PDXDC1: variants seen among roughly 807,000 people sequenced by gnomAD.
The protein encoded by PDXDC1 is pyridoxal-dependent decarboxylase domain-containing protein 1.
Under a neutral mutation model 100.1 loss-of-function variants are expected in PDXDC1, and 42 were observed. That is an observed-to-expected ratio of 0.42 (90% CI 0.33 to 0.54). PDXDC1 has a LOEUF of 0.54. Ranked by LOEUF, PDXDC1 falls within the 20% of genes least tolerant of loss-of-function variation. The pLI, the probability that PDXDC1 is intolerant of heterozygous loss-of-function variation, is 0.10. For synonymous variants in PDXDC1, 260 were observed against 371.7 expected (o/e 0.70, Z 3.46); for missense variants, 636 against 979.2 (o/e 0.65, Z 4.68).
At chr16:14,976,489 T>C (rs1370821580) in intron 1 of PDXDC1, among the ~76,000 whole-genome samples, 1 of 152,280 alleles carries the variant, frequency 6.6e-6, no homozygotes, top group Admixed American at 6.5e-5. Flanking sequence ...AAAAAGATAA[T>C]ATGGTTTTCT....
At chr16:15,131,043 G>C in intron 16 of PDXDC1, 1 of 1,543,112 alleles carries the variant, frequency 6.5e-7, no homozygotes, top group Non-Finnish European at 8.8e-7. Flanking sequence ...TTCCCCCCAA[G>C]AACAAGGCCA....
At position 15,101,239 on chromosome 16, in the gene PDXDC1, C is replaced by T. The variant is rs529554713; in HGVS notation, c.1400-37640C>T. ...TATTTTCCTGTAAATATGAAATATA[C>T]TAGGATACTTGATGTGGTTACACTC... On this transcript the variant is annotated intron_variant, in intron 16 of 16. Transcript: ENST00000535621. Among the ~76,000 whole-genome samples, 5 of 152,252 alleles carry T rather than the reference C, an allele frequency of 3.3e-5. No individual in the cohort carries two copies. The South Asian group carries it at 8.3e-4, about 25-fold the overall frequency.
At chr16:15,048,230 G>A (rs1567767647) in intron 16 of PDXDC1, 1 of 632,302 alleles carries the variant, frequency 1.6e-6, no homozygotes, top group East Asian at 2.7e-5. Context: ...TTAGTGGACA[G>A]AGAGGCTCAA....
In PDXDC1 at chr16:15,007,157, C is replaced by CTTT. The variant is rs56256230; in HGVS notation, c.579+603_579+605dup. ...AGAATTGCTGGATCAAAGAGCATGA[C>CTTT]TTTTTTTTTTTTTTTTTTTTTTTTT... On this transcript the variant is annotated intron_variant, in intron 6 of 22. Transcript: ENST00000396410. Among the ~76,000 whole-genome samples, 154 of 73,966 alleles carry CTTT rather than the reference C, an allele frequency of 2.1e-3. 11 individuals are homozygous for CTTT. The highest frequency in any genetic ancestry group is 3.7e-3 in the East Asian group (5 of 1,336). The allele number at this position is 73,966 out of a possible 152,430, so 48.5% of individuals were successfully genotyped here. A position where few individuals can be genotyped will look rare whatever the true frequency, so the allele number is the denominator to read the frequency against.
chr16:15,081,990 T>C (rs918887175), intron 16 of PDXDC1, among the ~76,000 whole-genome samples: 2 of 152,220 alleles, frequency 1.3e-5, no homozygotes, highest in African/African-American at 4.8e-5. Flanking sequence ...TGAACTCATT[T>C]ATTATCTCTA....
chr16:15,111,943 C>A (rs2047084946), intron 16 of PDXDC1, among the ~76,000 whole-genome samples: 1 of 148,056 alleles, frequency 6.8e-6, no homozygotes, highest in African/African-American at 2.4e-5. Context: ...TAACATTTCA[C>A]CCCCTGCTCC....
At chr16:15,110,160 A>AAG (rs914473387) in intron 16 of PDXDC1, among the ~76,000 whole-genome samples, 8 of 149,950 alleles carry the variant, frequency 5.3e-5, no homozygotes, top group African/African-American at 9.7e-5. Flanking sequence ...AAAAAAAAAA[A>AAG]AGAGAGAGAG....
the PDXDC1 span, among the ~76,000 whole-genome samples, chr16:15,149,245 C>T: frequency 6.6e-6 from 1 of 152,230 alleles, no homozygotes; most frequent in Non-Finnish European, 1.5e-5. Flanking sequence ...ATGTCACCTG[C>T]ACTGGGGGTC....
intron 1 of PDXDC1, among the ~76,000 whole-genome samples, chr16:14,978,219 G>A (rs1967132917): frequency 6.6e-6 from 1 of 152,298 alleles, no homozygotes; most frequent in African/African-American, 2.4e-5. Context: ...AGGAGTAGGG[G>A]CTTTGCCCCT....
Position 15,036,117 on chromosome 16 carries a change from A to C in PDXDC1, c.2209A>C (p.Ser737Arg). 6.2e-7 allele frequency: 1 copy of C among 1,614,208 alleles called. No homozygotes were observed. The highest frequency in any genetic ancestry group is 1.1e-5 in the South Asian group (1 of 91,092). Residue 737 changes from serine (S) to arginine (R), a missense_variant, in exon 23 of 23, where the codon AGT (serine) becomes CGT (arginine). Physicochemically the swap from Ser to Arg is moderately radical, Grantham distance 110 (BLOSUM62 -1). Transcript: ENST00000396410. ...EDLEKVERLS[S>R]GPEQITLEAS... Reference sequence around the variant, plus strand: ...CTTAGAAAAGGTGGAGCGCCTATCCAGTGGGCCGGAGCAGATCACCCTCGA... The same window carrying C: ...CTTAGAAAAGGTGGAGCGCCTATCCCGTGGGCCGGAGCAGATCACCCTCGA...
intron 16 of PDXDC1, among the ~76,000 whole-genome samples, chr16:15,104,973 G>T (rs1375300740): frequency 1.3e-5 from 2 of 151,642 alleles, no homozygotes; most frequent in Non-Finnish European, 2.9e-5. Flanking sequence ...ACACACTGTT[G>T]TCTCCACATG....
rs541779142 is a variant in PDXDC1, at chr16:15,089,049, T to A, written c.1400-49830T>A. ...CGGGTGGAGTGGCTCACGTCTATAATCCCAGCACTTTGGGAGGCTGAGGCG... is the reference window on the plus strand; with the variant it reads ...CGGGTGGAGTGGCTCACGTCTATAAACCCAGCACTTTGGGAGGCTGAGGCG... On this transcript the variant is annotated intron_variant, in intron 16 of 16. Transcript: ENST00000535621. Among the ~76,000 whole-genome samples the A allele has an allele frequency of 1.7e-3, 254 of 152,228 alleles. 1 individual carries two copies. The highest frequency in any genetic ancestry group is 5.9e-3 in the African/African-American group (247 of 41,528).
At chr16:15,041,778 G>A (rs1165421864), downstream of PDXDC1, 5 of 841,804 alleles carry the variant, frequency 5.9e-6, no homozygotes, top group Admixed American at 8.7e-5. Context: ...AGCCAACTGA[G>A]TGTGCTCCGC....
chr16:15,085,689 A>C (rs2045889716), intron 16 of PDXDC1: 1 of 1,613,362 alleles, frequency 6.2e-7, no homozygotes, highest in Non-Finnish European at 8.5e-7. Context: ...TTCCTTAATG[A>C]TCACTCGGGC....
chr16:15,140,743 C>T (rs922188921), downstream of PDXDC1, among the ~76,000 whole-genome samples: 2 of 152,112 alleles, frequency 1.3e-5, no homozygotes, highest in Admixed American at 6.5e-5. Context: ...CACCTCCCCT[C>T]GGCCTCAAGC....
intron 16 of PDXDC1, among the ~76,000 whole-genome samples, chr16:15,056,974 C>T (rs1309941386): frequency 6.6e-6 from 1 of 152,046 alleles, no homozygotes; most frequent in Non-Finnish European, 1.5e-5. Context: ...GACAGGTCCC[C>T]AAGGTGAGAG....
At chr16:15,100,806 C>A (rs1346646740) in intron 16 of PDXDC1, among the ~76,000 whole-genome samples, 1 of 152,034 alleles carries the variant, frequency 6.6e-6, no homozygotes, top group Non-Finnish European at 1.5e-5. Flanking sequence ...CTCTGCCTAG[C>A]CTAGGCAGAT....
chr16:15,077,107 G>T (rs1240731749), intron 16 of PDXDC1, among the ~76,000 whole-genome samples: 2 of 151,672 alleles, frequency 1.3e-5, no homozygotes, highest in Non-Finnish European at 2.9e-5. Flanking sequence ...AGCCTCCCGA[G>T]TAGCTGGGAT....
At chr16:15,146,256 C>T in the PDXDC1 span, among the ~76,000 whole-genome samples, 1 of 152,056 alleles carries the variant, frequency 6.6e-6, no homozygotes, top group Non-Finnish European at 1.5e-5. Context: ...AGGGGGACGT[C>T]GAGGCTCAAG....
Sources: allele counts gnomAD v4.1 joint callset (sites outside exome capture counted in the v4.1 genomes callset), GRCh38; gene constraint gnomAD v4.1.1; transcripts MANE v1.5; gene names NCBI Gene and HGNC (gene_info 2026-07-23, HGNC 2026-07-21).